Variants in SAMD12 observed in about 807,000 individuals in gnomAD.
SAMD12 encodes the protein sterile alpha motif domain-containing protein 12.
SAMD12 carries 9 observed loss-of-function variants against 15.0 expected under a neutral mutation model. The observed-to-expected ratio is 0.60, with a 90% CI of 0.36 to 1.05. The LOEUF (loss-of-function observed/expected upper bound fraction) is 1.05, where lower values mean the gene tolerates loss of function less well. Among genes scored for constraint, SAMD12 ranks in the 50% least tolerant of loss-of-function variants. The probability of loss-of-function intolerance (pLI) is 0.01; values close to 1 mark genes in which losing one functional copy is unlikely to be tolerated. For missense variants in SAMD12, 230 were observed against 234.2 expected (o/e 0.98, Z 0.12); for synonymous variants, 86 against 90.1 (o/e 0.96, Z 0.25).
chr8:118,550,548 C>G (rs1159260486), intron 2 of SAMD12, among the ~76,000 whole-genome samples: 1 of 152,188 alleles, frequency 6.6e-6, no homozygotes, highest in Admixed American at 6.5e-5. Context: ...TGGAAAGGAA[C>G]AACCGGTACC....
chr8:118,187,816 A>C (rs1819269568), downstream of SAMD12, among the ~76,000 whole-genome samples: 1 of 152,172 alleles, frequency 6.6e-6, no homozygotes, highest in South Asian at 2.1e-4. Context: ...GATTTGTTTA[A>C]TGAAGTGTTT....
intron 4 of SAMD12, among the ~76,000 whole-genome samples, chr8:118,207,926 T>TC (rs1221813999): frequency 2.7e-5 from 1 of 37,532 alleles, no homozygotes; most frequent in Non-Finnish European, 8.2e-5. Context: ...ACGTAAATAC[T>TC]CCTTTTTTTT....
chr8:118,433,756 T>C (rs1336763651), intron 3 of SAMD12, among the ~76,000 whole-genome samples: 1 of 151,990 alleles, frequency 6.6e-6, no homozygotes, highest in Non-Finnish European at 1.5e-5. Context: ...AAAAAAGAAA[T>C]GTGAAAAAAC....
intron 4 of SAMD12, among the ~76,000 whole-genome samples, chr8:118,263,934 T>A (rs941170643): frequency 1.3e-5 from 2 of 152,134 alleles, no homozygotes; most frequent in African/African-American, 4.8e-5. Context: ...TCCTTAGCCA[T>A]GAGATGATGG....
At chr8:118,172,750 T>C in the SAMD12 span, among the ~76,000 whole-genome samples, 20 of 152,348 alleles carry the variant, frequency 1.3e-4, no homozygotes, top group Non-Finnish European at 2.5e-4. Flanking sequence ...CTCTTTCCTT[T>C]TTTTTGTGAT....
chr8:118,502,464 G>A (rs912238919), intron 2 of SAMD12, among the ~76,000 whole-genome samples: 11 of 152,052 alleles, frequency 7.2e-5, no homozygotes, highest in African/African-American at 2.7e-4. Context: ...ACAATTATTT[G>A]CCAGCCTGTC....
chr8:118,236,408 T>C (rs1280912390), intron 4 of SAMD12, among the ~76,000 whole-genome samples: 1 of 152,122 alleles, frequency 6.6e-6, no homozygotes, highest in African/African-American at 2.4e-5. Context: ...CGTGAAAGAG[T>C]GGCACTCACC....
At chr8:118,549,494 C>CA (rs1246812609) in intron 2 of SAMD12, among the ~76,000 whole-genome samples, 3 of 152,224 alleles carry the variant, frequency 2.0e-5, no homozygotes, top group Non-Finnish European at 4.4e-5. Context: ...GGAAAACTAA[C>CA]AAACAGAAAG....
At chr8:118,211,648 A>G (rs1475393541) in intron 4 of SAMD12, among the ~76,000 whole-genome samples, 1 of 152,194 alleles carries the variant, frequency 6.6e-6, no homozygotes, top group Non-Finnish European at 1.5e-5. Context: ...TGAATCTATA[A>G]AATTATGAGG....
Position 118,311,675 on chromosome 8 carries a change from G to A in SAMD12, c.433+67885C>T, listed in dbSNP as rs368239177. Among the ~76,000 whole-genome samples, 3 of 152,258 alleles carry A rather than the reference G, an allele frequency of 2.0e-5. No homozygotes were observed. In the East Asian group the frequency reaches 5.8e-4, roughly 29 times the overall value. On this transcript the variant is annotated intron_variant, in intron 4 of 4. Coordinates refer to the SAMD12 transcript ENST00000409003. ...CTTATTAAGTCTCTCAGAAAAGAAT[G>A]TTCTTTTTGGTTTTCTTAGTTGGCT...
intron 3 of SAMD12, among the ~76,000 whole-genome samples, chr8:118,395,898 CAGTG>C (rs1489935770): frequency 6.9e-6 from 1 of 144,216 alleles, no homozygotes; most frequent in East Asian, 2.0e-4. Context: ...GCGGAGCTTG[CAGTG>C]AGTAAGATCG....
At chr8:118,595,139 T>C (rs1827693166) in intron 1 of SAMD12, among the ~76,000 whole-genome samples, 1 of 152,192 alleles carries the variant, frequency 6.6e-6, no homozygotes, top group African/African-American at 2.4e-5. Context: ...AGCCCAGCAC[T>C]GGTGGATGTG....
At chr8:118,315,921 A>T (rs1586505386) in intron 4 of SAMD12, among the ~76,000 whole-genome samples, 1 of 152,272 alleles carries the variant, frequency 6.6e-6, no homozygotes, top group African/African-American at 2.4e-5. Context: ...GAATGAAGAG[A>T]TCTAACTGCT....
intron 2 of SAMD12, among the ~76,000 whole-genome samples, chr8:118,469,489 T>TATAA (rs796616724): frequency 1.7e-5 from 1 of 58,066 alleles, no homozygotes; most frequent in African/African-American, 5.3e-5. Flanking sequence ...ATGTAATATA[T>TATAA]TATATATATA....
chr8:118,350,382 G>C (rs1009457958), intron 4 of SAMD12, among the ~76,000 whole-genome samples: 1 of 152,166 alleles, frequency 6.6e-6, no homozygotes, highest in Non-Finnish European at 1.5e-5. Context: ...TGATAGCAAT[G>C]TTAACTAAAT....
At chr8:118,174,038 C>T in the SAMD12 span, among the ~76,000 whole-genome samples, 1 of 152,056 alleles carries the variant, frequency 6.6e-6, no homozygotes, top group African/African-American at 2.4e-5. Flanking sequence ...AAAAATTGTT[C>T]TGAGTCAGTA....
the SAMD12 span, among the ~76,000 whole-genome samples, chr8:118,138,684 G>A: frequency 1.3e-5 from 2 of 152,150 alleles, no homozygotes; most frequent in Non-Finnish European, 1.5e-5. Context: ...TCAGAATAGG[G>A]TTTAAAATAG....
intron 3 of SAMD12, among the ~76,000 whole-genome samples, chr8:118,388,927 T>C (rs1255509346): frequency 6.6e-6 from 1 of 152,170 alleles, no homozygotes. Flanking sequence ...GAACATTATT[T>C]GGTTTCTCAA....
chr8:118,213,240 C>T (rs945146765), intron 4 of SAMD12, among the ~76,000 whole-genome samples: 2 of 152,196 alleles, frequency 1.3e-5, no homozygotes, highest in African/African-American at 4.8e-5. Flanking sequence ...TTCCTTGAAT[C>T]TGGGACAGGC....
Sources: gnomAD v4.1 joint callset for allele counts (sites outside exome capture counted in the v4.1 genomes callset) on GRCh38, gnomAD v4.1.1 for gene constraint, MANE v1.5 for transcripts, NCBI Gene and HGNC (gene_info 2026-07-23, HGNC 2026-07-21) for gene names.